Variants in LRP4 observed in about 807,000 individuals in gnomAD.
The protein encoded by LRP4 is LDL receptor related protein 4.
A neutral mutation model predicts 220.3 loss-of-function variants in LRP4; 95 were observed. The observed-to-expected ratio is 0.43, with a 90% CI of 0.37 to 0.51. LRP4 has a LOEUF of 0.51. LRP4 is among the 20% of genes least tolerant of loss of function. The pLI, the probability that LRP4 is intolerant of heterozygous loss-of-function variation, is 0.00. For synonymous variants in LRP4, 903 were observed against 954.6 expected (o/e 0.95, Z 1.00); for missense variants, 1,925 against 2,567.0 (o/e 0.75, Z 5.40).
At chr11:46,888,901 G>A (rs1471274048) in intron 16 of LRP4, among the ~76,000 whole-genome samples, 1 of 152,154 alleles carries the variant, frequency 6.6e-6, no homozygotes, top group Non-Finnish European at 1.5e-5. Flanking sequence ...GGAGCCCAAA[G>A]GAAGCCAAAG....
chr11:46,904,237 G>A (rs933450987), intron 1 of LRP4, among the ~76,000 whole-genome samples: 7 of 152,148 alleles, frequency 4.6e-5, no homozygotes, highest in African/African-American at 1.4e-4. Flanking sequence ...GAGTCAGCTC[G>A]AAATTGTCAC....
At chr11:46,892,537 TGG>T (rs1275399423) in intron 13 of LRP4, among the ~76,000 whole-genome samples, 1 of 150,872 alleles carries the variant, frequency 6.6e-6, no homozygotes, top group Non-Finnish European at 1.5e-5. Flanking sequence ...CTCAAGTGTG[TGG>T]GGGACAGAGC....
At chr11:46,903,015 CA>C (rs1941696931) in intron 1 of LRP4, 86 bp from the exon 2 acceptor site, 4 of 1,533,462 alleles carry the variant, frequency 2.6e-6, no homozygotes, top group Non-Finnish European at 3.6e-6. Context: ...GAGCCTAGTC[CA>C]GGGGCACTGT....
At chr11:46,868,503 C>T (rs1940762681) in intron 33 of LRP4, 97 bp downstream of exon 33, 1 of 917,618 alleles carries the variant, frequency 1.1e-6, no homozygotes, top group Non-Finnish European at 1.8e-6. Context: ...ATGGGGATCC[C>T]ACCCAGAAGG....
intron 1 of LRP4, among the ~76,000 whole-genome samples, chr11:46,913,568 G>A (rs1409157735): frequency 1.3e-5 from 2 of 152,126 alleles, no homozygotes; most frequent in South Asian, 2.1e-4. Flanking sequence ...CCCAAATTGG[G>A]GCAATTACTA....
chr11:46,872,990 C>T lies in LRP4; in HGVS notation c.4583+110G>A. ...CTTATCCTTCTCAATGATTCCTCTT[C>T]CCCACATACCAAGAAGCTTTCTATC... On this transcript the variant is annotated intron_variant, in intron 30 of 37. Transcript: ENST00000378623. The T allele has an allele frequency of 2.8e-6, 4 of 1,423,624 alleles. No individual in the cohort carries two copies. The South Asian group carries it at 4.6e-5, about 16-fold the overall frequency. The allele number at this position is 1,423,624 out of a possible 1,614,324, so 88.2% of individuals were successfully genotyped here. A position where few individuals can be genotyped will look rare whatever the true frequency, so the allele number is the denominator to read the frequency against.
In LRP4 at chr11:46,874,834, C is replaced by T. The variant is rs1353805030; in HGVS notation, c.4195G>A (p.Val1399Ile). 2.5e-6 allele frequency: 4 copies of T among 1,614,084 alleles called. No individual in the cohort carries two copies. Among genetic ancestry groups the T allele is most frequent in the South Asian group, 1.1e-5 (1 of 91,078 alleles). The change falls in exon 28 of 38, where the codon GTC becomes ATC. Residue 1399 changes from valine (V) to isoleucine (I), a missense_variant. Val to Ile is a conservative substitution (Grantham distance 29). Coordinates refer to ENST00000378623, the MANE Select transcript of LRP4 (RefSeq NM_002334.4). ...TCCAGGAACACATCTGTGTAATAGA[C>T]CTTTCCATCCACGCTGTCATAGTCC... ...SLDYDSVDGK[V>I]YYTDVFLDVI...
At chr11:46,861,301 CAT>C (rs1267083126) in intron 37 of LRP4, among the ~76,000 whole-genome samples, 18 of 151,930 alleles carry the variant, frequency 1.2e-4, no homozygotes, top group African/African-American at 2.4e-5. Context: ...CCAGAAAGCA[CAT>C]GATTATTATG....
intron 22 of LRP4, among the ~76,000 whole-genome samples, 183 bp from the exon 23 acceptor site, chr11:46,877,522 C>A (rs986062499): frequency 5.9e-5 from 9 of 152,102 alleles, no homozygotes; most frequent in Admixed American, 2.0e-4. Context: ...GGCTGGAGTG[C>A]ACTGGCATGA....
At position 46,875,945 on chromosome 11, in the gene LRP4, C is replaced by A. The variant is rs1239248668; in HGVS notation, c.3558G>T (p.Trp1186Cys). The change falls in exon 26 of 38, where the codon TGG becomes TGT. Residue 1186 changes from tryptophan (W) to cysteine (C), a missense_variant. Transcript: ENST00000378623. The surrounding 1 kb of genome is among the most constrained non-coding windows in gnomAD (Gnocchi z 4.5). ...HEMGFMYWTD[W>C]GENAKLERSG... is the part of the protein sequence containing the mutation. ...ACCGCTCTAACTTGGCATTCTCCCC[C>A]CAGTCTGTCCAGTACATAAACCTGA... is the stretch of plus-strand genomic sequence containing the variant. The A allele has an allele frequency of 6.2e-7, 1 of 1,614,062 alleles. No individual in the cohort carries two copies. Among genetic ancestry groups the A allele is most frequent in the Non-Finnish European group, 8.5e-7 (1 of 1,180,040 alleles).
Position 46,899,427 on chromosome 11 carries a change from A to T in LRP4, c.507T>A (p.Gly169=), listed in dbSNP as rs2134863376. The T allele has an allele frequency of 1.2e-6, 2 of 1,614,114 alleles. No individual in the cohort carries two copies. The highest frequency in any genetic ancestry group is 1.6e-4 in the Middle Eastern group (1 of 6,062). Residue 169 remains glycine (G), a synonymous_variant, in exon 5 of 38, where the codon GGT becomes GGA. Transcript: ENST00000378623. The surrounding 1 kb of genome is among the most constrained non-coding windows in gnomAD (Gnocchi z 5.9). ...SCIAEHWYCD[G]DTDCKDGSDE... Reference sequence around the variant, plus strand: ...CGGAGCCATCTTTGCAGTCGGTGTCACCGTCGCAGTACCAATGCTCAGCAA... The same window carrying T: ...CGGAGCCATCTTTGCAGTCGGTGTCTCCGTCGCAGTACCAATGCTCAGCAA...
rs1250797157 is a variant in LRP4 at position 46,865,132 on chromosome 11, A to T, written c.5142T>A (p.Val1714=). ...LGLCARSNDA[V]PAAPGEGLHI... ...CTCAGGGCTTACCTGGAGCAGCAGG[A>T]ACAGCGTCATTGGAACGTGCACAGA... The change falls in exon 35 of 38, where the codon GTT becomes GTA. Residue 1714 remains valine (V), a synonymous_variant. Coordinates refer to ENST00000378623, the MANE Select transcript of LRP4 (RefSeq NM_002334.4). 6.4e-7 allele frequency: 1 copy of T among 1,562,908 alleles called. No individual in the cohort carries two copies. The highest frequency in any genetic ancestry group is 1.9e-5 in the Admixed American group (1 of 52,786).
Position 46,895,835 on chromosome 11 carries a change from T to C in LRP4, c.1183+49A>G, listed in dbSNP as rs180755918. On this transcript the variant is annotated intron_variant, in intron 10 of 37. Transcript: ENST00000378623. ...ATAGGAAACACAGCTGCCTGTCTGC[T>C]GCCCCTGCTCAGAACCCCGACTCTG... is the stretch of plus-strand genomic sequence containing the variant. 160 of 1,604,562 alleles carry C rather than the reference T, an allele frequency of 1.0e-4. No homozygotes were observed. The African/African-American group carries it at 2.0e-3, about 20-fold the overall frequency.
At chr11:46,871,743 G>T in intron 30 of LRP4, 110 bp from the exon 31 acceptor site, 1 of 752,824 alleles carries the variant, frequency 1.3e-6, no homozygotes, top group Admixed American at 2.0e-5. Context: ...GATGCTATGA[G>T]AACTCAAGAA....
At chr11:46,910,173 C>T (rs1034314443) in intron 1 of LRP4, among the ~76,000 whole-genome samples, 3 of 152,098 alleles carry the variant, frequency 2.0e-5, no homozygotes, top group African/African-American at 7.2e-5. Flanking sequence ...GAAAAGAAGT[C>T]CTTAATGGTT....
intron 37 of LRP4, 67 bp from the exon 38 acceptor site, chr11:46,859,382 G>T: frequency 1.7e-6 from 2 of 1,182,648 alleles, no homozygotes; most frequent in Non-Finnish European, 1.3e-6. Context: ...ATGGTAAACT[G>T]AAAAAGGAAG....
intron 11 of LRP4, 25 bp from the exon 12 acceptor site, chr11:46,894,844 T>TCC: frequency 6.2e-7 from 1 of 1,600,486 alleles, no homozygotes; most frequent in Non-Finnish European, 8.6e-7. Context: ...AAACATGGGA[T>TCC]ACCCACTGGG....
At chr11:46,913,932 A>T (rs1181733137) in intron 1 of LRP4, among the ~76,000 whole-genome samples, 1 of 152,086 alleles carries the variant, frequency 6.6e-6, no homozygotes, top group African/African-American at 2.4e-5. Flanking sequence ...TTTAAAAGAG[A>T]CAAGCAAAAG....
At chr11:46,871,812 A>C (rs1319051211) in intron 30 of LRP4, among the ~76,000 whole-genome samples, 179 bp from the exon 31 acceptor site, 1 of 152,140 alleles carries the variant, frequency 6.6e-6, no homozygotes, top group African/African-American at 2.4e-5. Flanking sequence ...CTGGTGGTTC[A>C]TGAGTGGGGA....
Sources: allele counts gnomAD v4.1 joint callset (sites outside exome capture counted in the v4.1 genomes callset), GRCh38; gene constraint gnomAD v4.1.1; non-coding constraint Gnocchi (gnomAD v3.1); transcripts MANE v1.5; gene names NCBI Gene and HGNC (gene_info 2026-07-23, HGNC 2026-07-21).